FRMPD4: variants seen among roughly 807,000 people sequenced by gnomAD.
FRMPD4 encodes the protein FERM and PDZ domain containing 4.
Under a neutral mutation model 94.1 loss-of-function variants are expected in FRMPD4, and 22 were observed. The observed-to-expected ratio is 0.23, with a 90% CI of 0.17 to 0.33. FRMPD4 has a LOEUF of 0.33. FRMPD4 is among the 10% of genes least tolerant of loss of function. FRMPD4 has a pLI of 1.00. For synonymous variants in FRMPD4, 631 were observed against 548.6 expected (o/e 1.15, Z -2.10); for missense variants, 1,111 against 1,339.9 (o/e 0.83, Z 2.67).
intron 1 of FRMPD4, among the ~76,000 whole-genome samples, chrX:12,352,902 C>T (rs1601849434): frequency 8.9e-6 from 1 of 112,234 alleles, no homozygotes; most frequent in Non-Finnish European, 1.9e-5. Context: ...TCAACATAAA[C>T]TCAGGAAAGG....
At chrX:12,299,054 C>T (rs1382003833) in intron 1 of FRMPD4, among the ~76,000 whole-genome samples, 4 of 112,113 alleles carry the variant, frequency 3.6e-5, no homozygotes, top group African/African-American at 9.7e-5. Context: ...TGTCAGAAGA[C>T]TCAGTACAGT....
chrX:12,610,493 T>C (rs1034355954), intron 3 of FRMPD4, among the ~76,000 whole-genome samples: 5 of 112,696 alleles, frequency 4.4e-5, no homozygotes, highest in African/African-American at 1.6e-4. Context: ...CACGCCATAA[T>C]CCCAGCACTT....
intron 1 of FRMPD4, among the ~76,000 whole-genome samples, chrX:12,307,012 T>TG (rs2054951888): frequency 8.9e-6 from 1 of 111,907 alleles, no homozygotes; most frequent in Non-Finnish European, 1.9e-5. Flanking sequence ...AAAGCAAGTG[T>TG]GGGGTGTGCT....
At chrX:12,545,764 G>A (rs1021063710) in intron 2 of FRMPD4, among the ~76,000 whole-genome samples, 1 of 112,397 alleles carries the variant, frequency 8.9e-6, no homozygotes, top group African/African-American at 3.2e-5. Context: ...AGGGGCAGAT[G>A]GCATGAAGTA....
intron 1 of FRMPD4, among the ~76,000 whole-genome samples, chrX:12,440,937 G>A (rs2057128985): frequency 8.9e-6 from 1 of 112,154 alleles, no homozygotes; most frequent in Admixed American, 9.4e-5. Flanking sequence ...GATAGTTCTA[G>A]CTATTAGAAT....
At chrX:12,376,423 G>A (rs1343686721) in intron 1 of FRMPD4, among the ~76,000 whole-genome samples, 1 of 112,236 alleles carries the variant, frequency 8.9e-6, no homozygotes, top group African/African-American at 3.2e-5. Context: ...TATACTAATG[G>A]CTTCACATGT....
chrX:12,605,701 G>A (rs1227643595), intron 2 of FRMPD4, among the ~76,000 whole-genome samples: 2 of 110,759 alleles, frequency 1.8e-5, no homozygotes, highest in Admixed American at 1.9e-4. Context: ...CGTCAGGCAC[G>A]TTATGCCTCA....
At chrX:12,100,669 G>A (rs1312661114) in intron 3 of FRMPD4, among the ~76,000 whole-genome samples, 1 of 112,082 alleles carries the variant, frequency 8.9e-6, no homozygotes, top group Non-Finnish European at 1.9e-5. Context: ...CTGTCTTCTT[G>A]TTCTCTAGAC....
chrX:12,709,116 T>C (rs2041934958), intron 13 of FRMPD4, among the ~76,000 whole-genome samples: 1 of 111,869 alleles, frequency 8.9e-6, no homozygotes, highest in South Asian at 3.8e-4. Context: ...GCCCGGCCGA[T>C]GGCGTCCTGC....
chrX:11,946,016 T>G, intron 3 of FRMPD4, among the ~76,000 whole-genome samples: 1 of 112,005 alleles, frequency 8.9e-6, no homozygotes, highest in Non-Finnish European at 1.9e-5. Context: ...AAGAATCAAA[T>G]TATAATAAAT....
intron 3 of FRMPD4, among the ~76,000 whole-genome samples, chrX:12,096,652 G>C: frequency 9.0e-6 from 1 of 111,555 alleles, no homozygotes; most frequent in Non-Finnish European, 1.9e-5. Context: ...TAGGAGGCTG[G>C]GGCAGTAGGG....
At chrX:12,128,290 T>C (rs1490718362) in intron 3 of FRMPD4, among the ~76,000 whole-genome samples, 1 of 112,897 alleles carries the variant, frequency 8.9e-6, no homozygotes, top group Non-Finnish European at 1.9e-5. Flanking sequence ...GTTTTTGACT[T>C]CTGTGTACCC....
intron 1 of FRMPD4, among the ~76,000 whole-genome samples, chrX:12,387,330 G>C (rs918473821): frequency 2.7e-5 from 3 of 112,133 alleles, no homozygotes; most frequent in Non-Finnish European, 5.6e-5. Flanking sequence ...GTAATTAAAG[G>C]CTGTTTATTT....
chrX:12,369,758 A>G (rs1311449499), intron 1 of FRMPD4, among the ~76,000 whole-genome samples: 2 of 111,900 alleles, frequency 1.8e-5, no homozygotes, highest in East Asian at 5.6e-4. Flanking sequence ...TGATAGAGTC[A>G]AGGAACATAT....
At chrX:12,095,444 A>G (rs2055191146) in intron 3 of FRMPD4, among the ~76,000 whole-genome samples, 1 of 111,241 alleles carries the variant, frequency 9.0e-6, no homozygotes, top group African/African-American at 3.3e-5. Flanking sequence ...CTCAGCATCC[A>G]TTAAATAAAT....
chrX:12,549,864 G>A (rs1423944777), intron 2 of FRMPD4, among the ~76,000 whole-genome samples: 1 of 112,184 alleles, frequency 8.9e-6, no homozygotes, highest in Non-Finnish European at 1.9e-5. Flanking sequence ...AGTAAAGAAA[G>A]CTTTTTCATG....
intron 3 of FRMPD4, among the ~76,000 whole-genome samples, chrX:12,003,668 G>A (rs774935385): frequency 1.8e-5 from 2 of 112,088 alleles, no homozygotes; most frequent in Non-Finnish European, 3.8e-5. Flanking sequence ...GCCTCCCAAA[G>A]TGCTGGGATT....
intron 1 of FRMPD4, among the ~76,000 whole-genome samples, chrX:12,360,756 C>T (rs763016125): frequency 1.3e-4 from 14 of 111,450 alleles, no homozygotes; most frequent in African/African-American, 4.6e-4. Context: ...TCCATAGAGA[C>T]GGCAACCAAA....
At chrX:12,017,168 A>G (rs1484793999) in intron 3 of FRMPD4, among the ~76,000 whole-genome samples, 2 of 112,187 alleles carry the variant, frequency 1.8e-5, no homozygotes, top group African/African-American at 3.2e-5. Flanking sequence ...TTCTCAAGCA[A>G]TGACTACTAA....
Sources: gnomAD v4.1 joint callset for allele counts (sites outside exome capture counted in the v4.1 genomes callset) on GRCh38, gnomAD v4.1.1 for gene constraint, MANE v1.5 for transcripts, NCBI Gene and HGNC (gene_info 2026-07-23, HGNC 2026-07-21) for gene names.